BASP1: variants seen among roughly 807,000 people sequenced by gnomAD.
The protein encoded by BASP1 is brain acid soluble protein 1.
In BASP1, 1 loss-of-function variant was observed where a neutral mutation model predicts 2.2. The ratio of observed to expected loss-of-function variants is 0.46; its 90% CI spans 0.16 to 2.17. The LOEUF is 2.17. BASP1 is among the 30% of genes most tolerant of loss of function. BASP1 has a pLI of 0.27. For missense variants in BASP1, 352 were observed against 327.2 expected, an observed-to-expected ratio of 1.08 and a Z score of -0.58; for synonymous variants, 187 against 154.2, an observed-to-expected ratio of 1.21 and a Z score of -1.58.
Position 17,251,091 on chromosome 5 carries a change from G to A in BASP1, c.-9-24117G>A, listed in dbSNP as rs941828550. On this transcript the variant is annotated intron_variant, in intron 1 of 1. Transcript: ENST00000322611. The surrounding 1 kb of genome is among the most constrained non-coding windows in gnomAD (Gnocchi z 4.0). ...CTAGGGCTGATCTGGTAGTTGAGGG[G>A]TGTGATCAAGTTTCCAGATTTCAGA... Among the ~76,000 whole-genome samples the A allele has an allele frequency of 6.6e-6, 1 of 152,176 alleles. No homozygotes were observed. Among genetic ancestry groups the A allele is most frequent in the Non-Finnish European group, 1.5e-5 (1 of 68,038 alleles).
Position 17,233,997 on chromosome 5 carries a change from G to A in BASP1, c.-10+16187G>A, listed in dbSNP as rs74939324. On this transcript the variant is annotated intron_variant, in intron 1 of 1. Transcript: ENST00000322611. The stretch of plus-strand genomic sequence containing the variant: ...TACAAAAAAATTAGCTGGGCGTGGT[G>A]GCACACGCCTGTTGTCTCAGCTACT... Among the ~76,000 whole-genome samples the A allele has an allele frequency of 2.5e-3, 380 of 152,246 alleles. 8 individuals carry two copies. The East Asian group carries it at 0.052, about 21-fold the overall frequency.
chr5:17,257,590 T>C (rs920270640), intron 1 of BASP1, among the ~76,000 whole-genome samples: 1 of 152,188 alleles, frequency 6.6e-6, no homozygotes, highest in Non-Finnish European at 1.5e-5. Context: ...TTTTCTTCTG[T>C]AGGCAAAGGT....
chr5:17,220,093 A>T (rs1540602), intron 1 of BASP1, among the ~76,000 whole-genome samples: 49,083 of 152,040 alleles, frequency 0.32, 9,719 homozygotes, highest in Non-Finnish European at 0.45. Context: ...GTGGTAGGTT[A>T]TGTTTAATAG....
chr5:17,267,064 G>A (rs1740429480), intron 1 of BASP1, among the ~76,000 whole-genome samples: 1 of 152,152 alleles, frequency 6.6e-6, no homozygotes, highest in African/African-American at 2.4e-5. Context: ...ATTGTGATTA[G>A]CCCTTGTGAG....
chr5:17,266,777 G>T (rs948774279), intron 1 of BASP1, among the ~76,000 whole-genome samples: 3 of 139,166 alleles, frequency 2.2e-5, no homozygotes, highest in African/African-American at 8.4e-5. Flanking sequence ...GCGCCACTGC[G>T]CTCCAGCCTG....
Position 17,255,303 on chromosome 5 carries a change from C to T in BASP1, c.-9-19905C>T, listed in dbSNP as rs565092771. Among the ~76,000 whole-genome samples the T allele has an allele frequency of 1.6e-4, 24 of 152,286 alleles. No homozygotes were observed. The South Asian group carries it at 5.0e-3, about 32-fold the overall frequency. ...TGCTGTTCTAACAAAAATCCTCCTT[C>T]CCTTTGGTTCAATTTTTAATCTATT... On this transcript the variant is annotated intron_variant, in intron 1 of 1. Coordinates refer to ENST00000322611, the MANE Select transcript of BASP1 (RefSeq NM_006317.5).
At chr5:17,217,945 G>C (rs1415342714) in intron 1 of BASP1, 135 bp downstream of exon 1, 1 of 152,098 alleles carries the variant, frequency 6.6e-6, no homozygotes, top group Non-Finnish European at 1.5e-5. Context: ...GCCCGGATTG[G>C]ACGGCAAGGG....
chr5:17,225,624 G>T (rs370636209), intron 1 of BASP1, among the ~76,000 whole-genome samples: 3 of 152,172 alleles, frequency 2.0e-5, no homozygotes, highest in Non-Finnish European at 4.4e-5. Flanking sequence ...TGAAAAGAAC[G>T]CCAGCTGGCT....
chr5:17,269,855 C>A (rs951104331), intron 1 of BASP1, among the ~76,000 whole-genome samples: 2 of 152,176 alleles, frequency 1.3e-5, no homozygotes, highest in African/African-American at 4.8e-5. Flanking sequence ...TTACCCTTTA[C>A]ACGTGAAATT....
chr5:17,270,919 G>A (rs957724518), intron 1 of BASP1, among the ~76,000 whole-genome samples: 5 of 152,128 alleles, frequency 3.3e-5, no homozygotes, highest in Non-Finnish European at 7.3e-5. Flanking sequence ...GGTGTGCTGT[G>A]GAGGTGGGAT....
At position 17,275,473 on chromosome 5, in the gene BASP1, A is replaced by G. The variant is rs1397553093; in HGVS notation, c.257A>G (p.Glu86Gly). The G allele has an allele frequency of 3.3e-6, 5 of 1,494,440 alleles. No individual in the cohort carries two copies. Among genetic ancestry groups the G allele is most frequent in the African/African-American group, 1.4e-5 (1 of 70,588 alleles). The allele number at this position is 1,494,440 out of a possible 1,614,324, so 92.6% of individuals were successfully genotyped here. A position where few individuals can be genotyped will look rare whatever the true frequency, so the allele number is the denominator to read the frequency against. The change falls in exon 2 of 2, where the codon GAG becomes GGG. Residue 86 changes from glutamate (E) to glycine (G), a missense_variant. Physicochemically the swap from Glu to Gly is moderately conservative, Grantham distance 98. Coordinates refer to ENST00000322611, the MANE Select transcript of BASP1 (RefSeq NM_006317.5). The surrounding 1 kb of genome is among the most constrained non-coding windows in gnomAD (Gnocchi z 5.3). ...AAAKEEAPKA[E>G]PEKTEGAAEA... is the part of the protein sequence containing the mutation. ...GCCAAGGAGGAGGCCCCGAAGGCGG[A>G]GCCCGAGAAGACGGAGGGCGCGGCA... is the stretch of plus-strand genomic sequence containing the variant.
chr5:17,232,464 C>T (rs1464739584), intron 1 of BASP1, among the ~76,000 whole-genome samples: 3 of 152,178 alleles, frequency 2.0e-5, no homozygotes, highest in African/African-American at 4.8e-5. Context: ...TCTAATTCTG[C>T]GCTGTGACTA....
intron 1 of BASP1, among the ~76,000 whole-genome samples, chr5:17,235,171 C>G (rs566819528): frequency 6.6e-6 from 1 of 152,186 alleles, no homozygotes; most frequent in East Asian, 1.9e-4. Flanking sequence ...TCTGCTGGGG[C>G]TCTCACCTGA....
At chr5:17,268,435 G>A (rs532842004) in intron 1 of BASP1, among the ~76,000 whole-genome samples, 7 of 152,326 alleles carry the variant, frequency 4.6e-5, no homozygotes, top group South Asian at 2.1e-4. Context: ...AGTTCTGGAT[G>A]AGTTGGTCAT....
chr5:17,258,954 G>A (rs1358806450), intron 1 of BASP1, among the ~76,000 whole-genome samples: 3 of 152,166 alleles, frequency 2.0e-5, no homozygotes, highest in African/African-American at 4.8e-5. Flanking sequence ...GATGACAAAT[G>A]TCATTGAAAG....
chr5:17,261,129 C>T (rs1740304648), intron 1 of BASP1, among the ~76,000 whole-genome samples: 1 of 152,222 alleles, frequency 6.6e-6, no homozygotes. Flanking sequence ...CCAGATTGCA[C>T]AGTAAGGACA....
intron 1 of BASP1, among the ~76,000 whole-genome samples, chr5:17,226,311 A>AT (rs1178564165): frequency 6.6e-6 from 1 of 152,266 alleles, no homozygotes; most frequent in African/African-American, 2.4e-5. Context: ...TAGCTGTTAG[A>AT]TAAAAACTTT....
In BASP1 at chr5:17,232,438, T is replaced by G. The variant is rs547177802; in HGVS notation, c.-10+14628T>G. Among the ~76,000 whole-genome samples the G allele has an allele frequency of 3.3e-5, 5 of 152,288 alleles. No homozygotes were observed. The South Asian group carries it at 1.0e-3, about 32-fold the overall frequency. On this transcript the variant is annotated intron_variant, in intron 1 of 1. Coordinates refer to ENST00000322611, the MANE Select transcript of BASP1 (RefSeq NM_006317.5). ...TTAGTCAATTATAAACCTAATGAAG[T>G]AAAAACGAATTTAGCTCTAATTCTG...
intron 1 of BASP1, among the ~76,000 whole-genome samples, chr5:17,266,636 G>A (rs1740420371): frequency 6.6e-6 from 1 of 151,998 alleles, no homozygotes; most frequent in African/African-American, 2.4e-5. Flanking sequence ...GTGAAACCCC[G>A]TCTCTACTAA....
Sources: gnomAD v4.1 joint callset for allele counts (sites outside exome capture counted in the v4.1 genomes callset) on GRCh38, gnomAD v4.1.1 for gene constraint, Gnocchi (gnomAD v3.1) non-coding constraint, MANE v1.5 for transcripts, NCBI Gene and HGNC (gene_info 2026-07-23, HGNC 2026-07-21) for gene names.